The following FHL3 variants were observed in gnomAD, a reference collection of about 807,000 sequenced individuals.
FHL3 encodes four and a half LIM domains protein 3.
Under a neutral mutation model 34.3 loss-of-function variants are expected in FHL3, and 21 were observed. That is an observed-to-expected ratio of 0.61 (90% CI 0.43 to 0.88). The LOEUF is 0.88. Among genes scored for constraint, FHL3 ranks in the 40% least tolerant of loss-of-function variants. The pLI, the probability that FHL3 is intolerant of heterozygous loss-of-function variation, is 0.00. For missense variants in FHL3, 333 were observed against 373.7 expected (o/e 0.89, Z 0.90); for synonymous variants, 137 against 144.6 (o/e 0.95, Z 0.38).
In FHL3 at chr1:37,997,215, A is replaced by G. The variant is rs1424864686; in HGVS notation, c.*190T>C. ...GGGGCTTGACTCATGGAGGCTCTGT[A>G]AGAGCCCAGGTTTGGGGCCCTGGGT... On this transcript the variant is annotated 3_prime_UTR_variant, in exon 6 of 6. Coordinates refer to ENST00000373016, the MANE Select transcript of FHL3 (RefSeq NM_004468.5). This position sits in a 1 kb window ranked among gnomAD's most constrained non-coding sequence, Gnocchi z 4.3. 9.7e-6 allele frequency: 6 copies of G among 619,268 alleles called. No individual in the cohort carries two copies. In the East Asian group the frequency reaches 1.4e-4, roughly 14 times the overall value. 38.4% of individuals were successfully genotyped at this position (619,268 alleles called of 1,614,324 possible).
intron 3 of FHL3, 59 bp downstream of exon 3, chr1:37,998,915 C>T: frequency 6.5e-7 from 1 of 1,547,574 alleles, no homozygotes; most frequent in African/African-American, 1.4e-5. Flanking sequence ...CAGACAGACA[C>T]ATGCAAAGAC....
intron 1 of FHL3, among the ~76,000 whole-genome samples, chr1:38,001,827 G>T (rs1297528913): frequency 1.3e-5 from 2 of 152,198 alleles, no homozygotes; most frequent in African/African-American, 4.8e-5. Context: ...AGCTCAAGCT[G>T]TAAGGTTTGA....
At chr1:38,000,722 G>A (rs576379251) in intron 1 of FHL3, among the ~76,000 whole-genome samples, 21 of 152,192 alleles carry the variant, frequency 1.4e-4, no homozygotes, top group African/African-American at 4.6e-4. Context: ...CTGCTGCCCC[G>A]GATTCCAGTC....
At position 37,997,291 on chromosome 1, in the gene FHL3, CAGA is replaced by C. The variant is rs1444723264; in HGVS notation, c.*111_*113del. 8.6e-7 allele frequency: 1 copy of C among 1,159,626 alleles called. No homozygotes were observed. The highest frequency in any genetic ancestry group is 1.5e-5 in the South Asian group (1 of 68,114). 71.8% of individuals were successfully genotyped at this position (1,159,626 alleles called of 1,614,324 possible). On this transcript the variant is annotated 3_prime_UTR_variant, in exon 6 of 6. Coordinates refer to ENST00000373016, the MANE Select transcript of FHL3 (RefSeq NM_004468.5). The surrounding 1 kb of genome is among the most constrained non-coding windows in gnomAD (Gnocchi z 4.3). ...GGAGTGGGGAGACAATCCTGGAGCCCAGAAGGAGACCCATTTTTTTTGGCGGGG... is the reference window on the plus strand; with the variant it reads ...GGAGTGGGGAGACAATCCTGGAGCCCAGGAGACCCATTTTTTTTGGCGGGG...
chr1:38,000,051 A>G (rs974684273), intron 1 of FHL3, among the ~76,000 whole-genome samples: 14 of 152,174 alleles, frequency 9.2e-5, no homozygotes, highest in African/African-American at 3.4e-4. Context: ...CAGCCAAGCA[A>G]TGGGAACTTC....
At chr1:38,002,157 G>C (rs1468446470) in intron 1 of FHL3, among the ~76,000 whole-genome samples, 1 of 151,288 alleles carries the variant, frequency 6.6e-6, no homozygotes, top group Non-Finnish European at 1.5e-5. Flanking sequence ...GGGGTACAGT[G>C]GCGCAATCTC....
Position 37,999,366 on chromosome 1 carries a change from C to T in FHL3, c.47G>A (p.Gly16Glu), listed in dbSNP as rs1315431479. 6.2e-7 allele frequency: 1 copy of T among 1,614,246 alleles called. No homozygotes were observed. The highest frequency in any genetic ancestry group is 1.1e-5 in the South Asian group (1 of 91,082). Residue 16 changes from glycine to glutamate, a missense_variant, in exon 2 of 6, where the codon GGA (glycine) becomes GAA (glutamate). Gly to Glu is a moderately conservative substitution (Grantham distance 98). Coordinates refer to ENST00000373016, the MANE Select transcript of FHL3 (RefSeq NM_004468.5). ...DCAKCNESLYGRKYIQTDSGP... is the reference protein window; with the variant it reads ...DCAKCNESLYERKYIQTDSGP... The stretch of plus-strand genomic sequence containing the variant: ...GCTGTCTGTCTGGATGTACTTGCGT[C>T]CATACAGGGACTCGTTGCATTTTGC...
rs369660742 is a variant in FHL3 at position 37,997,490 on chromosome 1, C to A, written c.758G>T (p.Arg253Leu). 1.2e-6 allele frequency: 2 copies of A among 1,613,900 alleles called. No homozygotes were observed. The highest frequency in any genetic ancestry group is 1.7e-6 in the Non-Finnish European group (2 of 1,179,960). The change falls in exon 6 of 6, where the codon CGC (arginine) becomes CTC (leucine). Residue 253 changes from arginine (R) to leucine (L), a missense_variant. Arg to Leu is a moderately radical substitution (Grantham distance 102). Transcript: ENST00000373016. This position sits in a 1 kb window ranked among gnomAD's most constrained non-coding sequence, Gnocchi z 4.3. ...HWHHNCFSCA[R>L]CSTSLVGQGF... Reference sequence around the variant, plus strand: ...CTGGCCCACCAGGGAGGTAGAGCAGCGGGCGCAGGAGAAGCAGTTGTGGTG... The same window carrying A: ...CTGGCCCACCAGGGAGGTAGAGCAGAGGGCGCAGGAGAAGCAGTTGTGGTG...
chr1:37,999,325 GCA>G lies in FHL3; in HGVS notation c.86_87del (p.Val29AlafsTer4), dbSNP rs1467694780. On this transcript the variant is annotated frameshift_variant, in exon 2 of 6. Coordinates refer to ENST00000373016, the MANE Select transcript of FHL3 (RefSeq NM_004468.5). LOFTEE classifies it high-confidence loss of function. ...YIQTDSGPYCVPCYDNTFANT... is the reference protein window; with the variant it reads ...YIQTDSGPYCXPCYDNTFANT... ...TTGGCAAAGGTATTGTCATAGCAGG[GCA>G]CACAGTAGGGGCCGCTGTCTGTCTG... is the stretch of plus-strand genomic sequence containing the variant. 4 of 1,614,124 alleles carry G rather than the reference GCA, an allele frequency of 2.5e-6. No individual in the cohort carries two copies. The African/African-American group carries it at 5.3e-5, about 22-fold the overall frequency.
In FHL3 at chr1:37,997,302, C is replaced by A; in HGVS notation, c.*103G>T. 2 of 1,265,760 alleles carry A rather than the reference C, an allele frequency of 1.6e-6. No individual in the cohort carries two copies. The highest frequency in any genetic ancestry group is 2.2e-6 in the Non-Finnish European group (2 of 911,228). 78.4% of individuals were successfully genotyped at this position (1,265,760 alleles called of 1,614,324 possible). A position where few individuals can be genotyped will look rare whatever the true frequency, so the allele number is the denominator to read the frequency against. ...ACAATCCTGGAGCCCAGAAGGAGAC[C>A]CATTTTTTTTGGCGGGGGGAGCTGA... is the stretch of plus-strand genomic sequence containing the variant. On this transcript the variant is annotated 3_prime_UTR_variant, in exon 6 of 6. Transcript: ENST00000373016. The surrounding 1 kb of genome is among the most constrained non-coding windows in gnomAD (Gnocchi z 4.3).
At chr1:37,998,885 C>G (rs950035174) in intron 3 of FHL3, 89 bp downstream of exon 3, 1 of 1,383,858 alleles carries the variant, frequency 7.2e-7, no homozygotes, top group Non-Finnish European at 1.0e-6. Flanking sequence ...GGTCTTTACA[C>G]AGACCAAGTC....
At position 37,999,297 on chromosome 1, in the gene FHL3, G is replaced by T; in HGVS notation, c.116C>A (p.Thr39Asn). 4 of 1,614,224 alleles carry T rather than the reference G, an allele frequency of 2.5e-6. No homozygotes were observed. The highest frequency in any genetic ancestry group is 2.5e-6 in the Non-Finnish European group (3 of 1,180,046). Residue 39 changes from threonine (T) to asparagine (N), a missense_variant, in exon 2 of 6, where the codon ACC becomes AAC. Coordinates refer to ENST00000373016, the MANE Select transcript of FHL3 (RefSeq NM_004468.5). ...GATAAGCTGCTGGCACTCAGCACAG[G>T]TGTTGGCAAAGGTATTGTCATAGCA... ...VPCYDNTFAN[T>N]CAECQQLIGH...
chr1:38,005,485 G>GC lies in FHL3; in HGVS notation c.-150dup, dbSNP rs1459258161. ...GGCCGAGCGAGCTGCCGGCGAGGCT[G>GC]CCGACTGCAGACGGACCGTGTGGGC... is the stretch of plus-strand genomic sequence containing the variant. On this transcript the variant is annotated 5_prime_UTR_variant, in exon 1 of 6. Transcript: ENST00000373016. 1.4e-4 allele frequency: 21 copies of GC among 150,440 alleles called. No individual in the cohort carries two copies. The highest frequency in any genetic ancestry group is 5.1e-4 in the African/African-American group (21 of 41,340). 9.3% of individuals were successfully genotyped at this position (150,440 alleles called of 1,614,324 possible). A position where few individuals can be genotyped will look rare whatever the true frequency, so the allele number is the denominator to read the frequency against.
intron 3 of FHL3, 131 bp downstream of exon 3, chr1:37,998,843 T>C (rs1646562827): frequency 3.3e-6 from 3 of 905,340 alleles, no homozygotes; most frequent in South Asian, 3.3e-5. Context: ...ATCCCGTATA[T>C]ACTAAATTTC....
In FHL3 at chr1:37,998,026, A is replaced by G. The variant is rs202242166; in HGVS notation, c.438T>C (p.Gly146=). 2 of 1,614,028 alleles carry G rather than the reference A, an allele frequency of 1.2e-6. No individual in the cohort carries two copies. The highest frequency in any genetic ancestry group is 8.5e-7 in the Non-Finnish European group (1 of 1,179,986). ...LGSRSFVPDK[G]AHYCVPCYEN... ...CATAGCAGGGCACGCAGTAGTGAGC[A>G]CCCTTGTCGGGCACAAAAGAACGGG... The change falls in exon 4 of 6, where the codon GGT becomes GGC. Residue 146 remains glycine, a synonymous_variant. Transcript: ENST00000373016.
chr1:37,997,375 A>G lies in FHL3; in HGVS notation c.*30T>C. ...GGAGCCACAGTCCTGGGCCCGTGGT[A>G]TGGGAAAGCCTGGGTCCAGGAGCCC... is the stretch of plus-strand genomic sequence containing the variant. On this transcript the variant is annotated 3_prime_UTR_variant, in exon 6 of 6. Coordinates refer to ENST00000373016, the MANE Select transcript of FHL3 (RefSeq NM_004468.5). The surrounding 1 kb of genome is among the most constrained non-coding windows in gnomAD (Gnocchi z 4.3). 6.3e-7 allele frequency: 1 copy of G among 1,592,780 alleles called. No homozygotes were observed. Among genetic ancestry groups the G allele is most frequent in the Non-Finnish European group, 8.5e-7 (1 of 1,175,876 alleles).
chr1:37,999,217 G>C, intron 2 of FHL3, 40 bp downstream of exon 2: 1 of 1,613,938 alleles, frequency 6.2e-7, no homozygotes. Context: ...CCTTCCACTG[G>C]TCACCACCCA....
In FHL3 at chr1:37,998,020, G is replaced by A. The variant is rs369640388; in HGVS notation, c.444C>T (p.His148=). The A allele has an allele frequency of 6.2e-7, 1 of 1,614,074 alleles. No homozygotes were observed. Among genetic ancestry groups the A allele is most frequent in the African/African-American group, 1.3e-5 (1 of 74,930 alleles). The part of the protein sequence containing the change: ...SRSFVPDKGA[H]YCVPCYENKF... ...TGTTCTCATAGCAGGGCACGCAGTA[G>A]TGAGCACCCTTGTCGGGCACAAAAG... is the stretch of plus-strand genomic sequence containing the variant. The change falls in exon 4 of 6, where the codon CAC becomes CAT. Residue 148 remains histidine (H), a synonymous_variant. Coordinates refer to ENST00000373016, the MANE Select transcript of FHL3 (RefSeq NM_004468.5).
chr1:37,997,156 G>T lies in FHL3; in HGVS notation c.*249C>A, dbSNP rs1354503234. ...CAGTCTGGGAACCCAGACTGCAGGG[G>T]AGAGGGTGAATTCTGGAGTCCAGGT... On this transcript the variant is annotated 3_prime_UTR_variant, in exon 6 of 6. Coordinates refer to ENST00000373016, the MANE Select transcript of FHL3 (RefSeq NM_004468.5). The surrounding 1 kb of genome is among the most constrained non-coding windows in gnomAD (Gnocchi z 4.3). 5.1e-5 allele frequency: 25 copies of T among 491,714 alleles called. No homozygotes were observed. The highest frequency in any genetic ancestry group is 6.4e-4 in the Middle Eastern group (2 of 3,112). 30.5% of individuals were successfully genotyped at this position (491,714 alleles called of 1,614,324 possible).
Sources: gnomAD v4.1 joint callset for allele counts (sites outside exome capture counted in the v4.1 genomes callset) on GRCh38, gnomAD v4.1.1 for gene constraint, Gnocchi (gnomAD v3.1) non-coding constraint, MANE v1.5 for transcripts, NCBI Gene and HGNC (gene_info 2026-07-23, HGNC 2026-07-21) for gene names.